Variants in CHCHD6 observed in about 807,000 individuals in gnomAD.
CHCHD6 encodes coiled-coil-helix-coiled-coil-helix domain containing 6.
Under a neutral mutation model 32.3 loss-of-function variants are expected in CHCHD6, and 28 were observed. The observed-to-expected ratio is 0.87, with a 90% CI of 0.64 to 1.19. The LOEUF (loss-of-function observed/expected upper bound fraction) is 1.19. CHCHD6 is among the 50% of genes most tolerant of loss of function. CHCHD6 has a pLI of 0.00. For missense variants in CHCHD6, 333 were observed against 307.0 expected, an observed-to-expected ratio of 1.08 and a Z score of -0.63; for synonymous variants, 122 against 117.5, an observed-to-expected ratio of 1.04 and a Z score of -0.25.
chr3:126,918,895 A>G (rs1576601857), intron 6 of CHCHD6, among the ~76,000 whole-genome samples: 1 of 152,348 alleles, frequency 6.6e-6, no homozygotes, highest in Non-Finnish European at 1.5e-5. Context: ...ACAAGTTTTG[A>G]TATACTGTAT....
At chr3:126,884,481 A>G (rs2077653607) in intron 5 of CHCHD6, among the ~76,000 whole-genome samples, 1 of 152,216 alleles carries the variant, frequency 6.6e-6, no homozygotes, top group African/African-American at 2.4e-5. Flanking sequence ...AAACTGTTCT[A>G]AAATTGGAAA....
intron 5 of CHCHD6, among the ~76,000 whole-genome samples, chr3:126,899,574 C>T (rs866415149): frequency 2.0e-5 from 3 of 152,206 alleles, no homozygotes. Context: ...ACACCATCCT[C>T]CTCTCTATCG....
chr3:126,916,589 A>G (rs372603841), intron 6 of CHCHD6, among the ~76,000 whole-genome samples: 20 of 152,276 alleles, frequency 1.3e-4, no homozygotes, highest in African/African-American at 4.3e-4. Context: ...GGCTGCCTGC[A>G]TCCAGGAGTT....
intron 1 of CHCHD6, among the ~76,000 whole-genome samples, chr3:126,716,382 TC>T (rs571299604): frequency 2.8e-4 from 43 of 152,244 alleles, no homozygotes; most frequent in Middle Eastern, 3.4e-3. Flanking sequence ...TCAGGCCATC[TC>T]CCTTCTAGCT....
intron 4 of CHCHD6, chr3:126,766,796 C>G: frequency 2.8e-6 from 3 of 1,055,600 alleles, no homozygotes. Context: ...CCACCCACTT[C>G]ACTGATGGCA....
intron 4 of CHCHD6, among the ~76,000 whole-genome samples, chr3:126,747,682 A>G (rs1479059797): frequency 1.3e-5 from 2 of 152,112 alleles, no homozygotes; most frequent in Non-Finnish European, 2.9e-5. Flanking sequence ...CTCATGGCCC[A>G]TCAGGTCTCG....
At chr3:126,776,944 A>T (rs572315380) in intron 4 of CHCHD6, among the ~76,000 whole-genome samples, 1 of 152,316 alleles carries the variant, frequency 6.6e-6, no homozygotes, top group East Asian at 1.9e-4. Flanking sequence ...CCAGAGCTGT[A>T]GGTGAAGACC....
At chr3:126,939,264 T>G (rs1171339208) in intron 6 of CHCHD6, among the ~76,000 whole-genome samples, 2 of 152,100 alleles carry the variant, frequency 1.3e-5, no homozygotes, top group Non-Finnish European at 2.9e-5. Flanking sequence ...TTTGATGCCT[T>G]GGGAAGCCAT....
chr3:126,773,744 T>G (rs1937586503), intron 4 of CHCHD6, among the ~76,000 whole-genome samples: 1 of 152,194 alleles, frequency 6.6e-6, no homozygotes, highest in South Asian at 2.1e-4. Context: ...TAGCTGGGAT[T>G]ACAGGCACAC....
At chr3:126,940,621 A>G (rs1379444206) in intron 6 of CHCHD6, among the ~76,000 whole-genome samples, 4 of 152,202 alleles carry the variant, frequency 2.6e-5, no homozygotes, top group African/African-American at 9.6e-5. Context: ...ATATGCTTAC[A>G]TTTGACCTGC....
intron 5 of CHCHD6, among the ~76,000 whole-genome samples, chr3:126,898,386 C>T (rs561968290): frequency 6.6e-5 from 10 of 152,164 alleles, no homozygotes; most frequent in African/African-American, 1.9e-4. Flanking sequence ...GTGCTGGGCC[C>T]GCATCTGGCC....
At chr3:126,944,084 G>A (rs1435003612) in intron 6 of CHCHD6, among the ~76,000 whole-genome samples, 1 of 152,246 alleles carries the variant, frequency 6.6e-6, no homozygotes, top group African/African-American at 2.4e-5. Context: ...TTGATAAGTT[G>A]GATCCACAGT....
intron 5 of CHCHD6, among the ~76,000 whole-genome samples, chr3:126,855,619 T>C (rs1046488083): frequency 3.3e-5 from 5 of 152,204 alleles, no homozygotes; most frequent in Non-Finnish European, 5.9e-5. Context: ...GGAAGCCTTC[T>C]CTCTGGGCTG....
intron 1 of CHCHD6, among the ~76,000 whole-genome samples, chr3:126,706,740 T>C (rs1000474116): frequency 6.6e-6 from 1 of 152,090 alleles, no homozygotes; most frequent in African/African-American, 2.4e-5. Flanking sequence ...CTTTTTCTGT[T>C]AGCAGAGTTA....
At chr3:126,894,594 C>G (rs1240193435) in intron 5 of CHCHD6, among the ~76,000 whole-genome samples, 2 of 152,170 alleles carry the variant, frequency 1.3e-5, no homozygotes, top group African/African-American at 4.8e-5. Flanking sequence ...TGTGCTCAAC[C>G]CTCAGCACCG....
rs186755788 is a variant in CHCHD6, at chr3:126,764,555, C to T, written c.411+31333C>T. Among the ~76,000 whole-genome samples, 45 of 152,316 alleles carry T rather than the reference C, an allele frequency of 3.0e-4. No individual in the cohort carries two copies. In the East Asian group the frequency reaches 8.3e-3, roughly 28 times the overall value. ...GTCCCTTTCCTGCTCCACTCCCTGG[C>T]TAGGGTTCTAGAAGAGGCTGGCTGC... On this transcript the variant is annotated intron_variant, in intron 4 of 7. Coordinates refer to ENST00000290913, the MANE Select transcript of CHCHD6 (RefSeq NM_032343.3).
rs1038589751 is a variant in CHCHD6 at position 126,748,508 on chromosome 3, T to C, written c.411+15286T>C. ...CACTTGGGAGGTTGAGATAGGAGAC[T>C]TGCTTGAACCCGGGAGGCGGAGGTG... On this transcript the variant is annotated intron_variant, in intron 4 of 7. Transcript: ENST00000290913. Among the ~76,000 whole-genome samples the C allele has an allele frequency of 4.0e-5, 6 of 151,848 alleles. No homozygotes were observed. In the South Asian group the frequency reaches 1.2e-3, roughly 32 times the overall value.
At chr3:126,918,137 G>A (rs1378493804) in intron 6 of CHCHD6, among the ~76,000 whole-genome samples, 1 of 152,186 alleles carries the variant, frequency 6.6e-6, no homozygotes, top group African/African-American at 2.4e-5. Flanking sequence ...ACGAAGCAGT[G>A]TACAGTTAGA....
intron 4 of CHCHD6, among the ~76,000 whole-genome samples, chr3:126,823,218 A>G (rs540231815): frequency 6.1e-4 from 93 of 152,306 alleles, no homozygotes; most frequent in Non-Finnish European, 1.1e-3. Context: ...CACCTAGCCA[A>G]TTTTGTTTTG....
Sources: allele counts gnomAD v4.1 joint callset (sites outside exome capture counted in the v4.1 genomes callset), GRCh38; gene constraint gnomAD v4.1.1; transcripts MANE v1.5; gene names NCBI Gene and HGNC (gene_info 2026-07-23, HGNC 2026-07-21).